Variants in LRRC3C observed in about 807,000 individuals in gnomAD.
LRRC3C encodes leucine-rich repeat-containing protein 3C.
LRRC3C carries 11 observed loss-of-function variants against 14.8 expected under a neutral mutation model. The observed-to-expected ratio is 0.74, with a 90% CI of 0.47 to 1.23. LRRC3C has a LOEUF of 1.23. Ranked by LOEUF, LRRC3C falls within the 50% of genes most tolerant of loss-of-function variation. The probability of loss-of-function intolerance (pLI) is 0.00; values close to 1 mark genes in which losing one functional copy is unlikely to be tolerated. For missense variants in LRRC3C, 354 were observed against 361.8 expected (o/e 0.98, Z 0.18); for synonymous variants, 149 against 161.5 (o/e 0.92, Z 0.59).
chr17:39,931,144 A>G (rs1978639924), intron 1 of LRRC3C, among the ~76,000 whole-genome samples: 1 of 146,740 alleles, frequency 6.8e-6, no homozygotes, highest in Non-Finnish European at 1.5e-5. Context: ...CTTCATCTCA[A>G]AAAAAAAAAA....
intron 2 of LRRC3C, among the ~76,000 whole-genome samples, chr17:39,937,187 G>A (rs747831809): frequency 1.3e-5 from 2 of 151,984 alleles, no homozygotes; most frequent in Admixed American, 6.6e-5. Context: ...TGTAATCCCA[G>A]CACCTTGGGA....
chr17:39,932,322 A>G (rs1978670747), intron 1 of LRRC3C, among the ~76,000 whole-genome samples: 1 of 152,228 alleles, frequency 6.6e-6, no homozygotes, highest in South Asian at 2.1e-4. Flanking sequence ...TTAAGTGCTC[A>G]GTATGTGTTG....
chr17:39,941,645 A>G, intron 3 of LRRC3C, 96 bp downstream of exon 3: 1 of 1,098,802 alleles, frequency 9.1e-7, no homozygotes, highest in East Asian at 2.6e-5. Flanking sequence ...TCCGTACAAT[A>G]CAATACCGTG....
Position 39,944,387 on chromosome 17 carries a change from C to T in LRRC3C, c.481C>T (p.Pro161Ser), listed in dbSNP as rs1292009870. ...GATCCAAGTGAACCTATCCGCAAACCCATGGCACTGTGACTGCGCCCTCCA... is the reference window on the plus strand; with the variant it reads ...GATCCAAGTGAACCTATCCGCAAACTCATGGCACTGTGACTGCGCCCTCCA... ...LQIQVNLSANPWHCDCALQEV... is the reference protein window; with the variant it reads ...LQIQVNLSANSWHCDCALQEV... The change falls in exon 4 of 4, where the codon CCA becomes TCA. Residue 161 changes from proline to serine, a missense_variant. By Grantham distance (74) the Pro-to-Ser change is moderately conservative. Coordinates refer to ENST00000377924, the MANE Select transcript of LRRC3C (RefSeq NM_001195545.2). 75 of 1,520,992 alleles carry T rather than the reference C, an allele frequency of 4.9e-5. No individual in the cohort carries two copies. Among genetic ancestry groups the T allele is most frequent in the Non-Finnish European group, 6.6e-5 (75 of 1,139,708 alleles). 94.2% of individuals were successfully genotyped at this position (1,520,992 alleles called of 1,614,324 possible).
In LRRC3C at chr17:39,927,802, T is replaced by C. The variant is rs1447861328; in HGVS notation, c.-187T>C. 3 of 985,376 alleles carry C rather than the reference T, an allele frequency of 3.0e-6. No homozygotes were observed. Among genetic ancestry groups the C allele is most frequent in the Non-Finnish European group, 3.6e-6 (3 of 829,972 alleles). 61.0% of individuals were successfully genotyped at this position (985,376 alleles called of 1,614,324 possible). A position where few individuals can be genotyped will look rare whatever the true frequency, so the allele number is the denominator to read the frequency against. On this transcript the variant is annotated 5_prime_UTR_variant, in exon 1 of 4. It removes an upstream start codon present in the reference 5' UTR. Transcript: ENST00000377924. ...ACCGTGACGTGATGGTCAGATCGGA[T>C]GATAGAATTTTGGTGCGTAACAATT... is the stretch of plus-strand genomic sequence containing the variant.
At chr17:39,934,498 T>C (rs1300222048) in intron 1 of LRRC3C, 1 of 152,134 alleles carries the variant, frequency 6.6e-6, no homozygotes, top group Non-Finnish European at 1.5e-5. Flanking sequence ...GCAAACATTA[T>C]TGTTTGCTAT....
chr17:39,944,170 C>T lies in LRRC3C; in HGVS notation c.264C>T (p.Ala88=), dbSNP rs780597699. 5.2e-6 allele frequency: 8 copies of T among 1,536,232 alleles called. No individual in the cohort carries two copies. In the South Asian group the frequency reaches 9.5e-5, roughly 18 times the overall value. ...ACACCCGCAAGCTCTACCTGGATGC[C>T]AACCAGCTGGCATCGGTGCCTGCTG... ...PNDTRKLYLD[A]NQLASVPAGA... is the part of the protein sequence containing the mutation. Residue 88 remains alanine, a synonymous_variant, in exon 4 of 4, where the codon GCC becomes GCT. Transcript: ENST00000377924.
intron 1 of LRRC3C, among the ~76,000 whole-genome samples, chr17:39,933,603 G>A (rs547751838): frequency 1.5e-3 from 227 of 152,080 alleles, no homozygotes; most frequent in Non-Finnish European, 2.5e-3. Flanking sequence ...CGTGGTGGCG[G>A]GCGCCTGTAA....
chr17:39,940,080 C>T (rs550584337), intron 2 of LRRC3C, among the ~76,000 whole-genome samples: 6 of 152,306 alleles, frequency 3.9e-5, no homozygotes, highest in East Asian at 3.9e-4. Flanking sequence ...GCAGAGTGTC[C>T]GGCCCTCAGA....
At chr17:39,936,735 G>A (rs1978808070) in intron 2 of LRRC3C, among the ~76,000 whole-genome samples, 2 of 151,686 alleles carry the variant, frequency 1.3e-5, no homozygotes, top group Admixed American at 6.6e-5. Context: ...AGGATCTCCT[G>A]AGCCTGGGGA....
At chr17:39,938,012 A>G (rs1313738801) in intron 2 of LRRC3C, among the ~76,000 whole-genome samples, 1 of 152,124 alleles carries the variant, frequency 6.6e-6, no homozygotes, top group Non-Finnish European at 1.5e-5. Flanking sequence ...TGTGCCTGTA[A>G]TCCCAGCTTC....
At chr17:39,931,578 G>A (rs1351175309) in intron 1 of LRRC3C, among the ~76,000 whole-genome samples, 3 of 151,286 alleles carry the variant, frequency 2.0e-5, no homozygotes, top group Non-Finnish European at 4.4e-5. Context: ...ATAATAAGAT[G>A]AGCCATGAGG....
intron 1 of LRRC3C, chr17:39,929,264 G>A (rs924791598): frequency 1.3e-5 from 2 of 152,178 alleles, no homozygotes; most frequent in African/African-American, 4.8e-5. Context: ...ATGAAGTTCA[G>A]TGACCCAGAC....
Position 39,944,894 on chromosome 17 carries a change from T to C in LRRC3C, c.*160T>C. On this transcript the variant is annotated 3_prime_UTR_variant, in exon 4 of 4. Coordinates refer to ENST00000377924, the MANE Select transcript of LRRC3C (RefSeq NM_001195545.2). ...CCTAAATACCTGTGCTGGTTCTCTCTCTCTCTCTCTGTGTCGTCTTAACCA... is the reference window on the plus strand; with the variant it reads ...CCTAAATACCTGTGCTGGTTCTCTCCCTCTCTCTCTGTGTCGTCTTAACCA... 1.5e-6 allele frequency: 1 copy of C among 665,928 alleles called. No homozygotes were observed. 41.3% of individuals were successfully genotyped at this position (665,928 alleles called of 1,614,324 possible). A position where few individuals can be genotyped will look rare whatever the true frequency, so the allele number is the denominator to read the frequency against.
intron 2 of LRRC3C, among the ~76,000 whole-genome samples, chr17:39,938,782 T>G (rs1978865785): frequency 6.6e-6 from 1 of 151,980 alleles, no homozygotes; most frequent in Non-Finnish European, 1.5e-5. Context: ...GGTCAGGCGT[T>G]CAAGACCAGC....
intron 3 of LRRC3C, 45 bp from the exon 4 acceptor site, chr17:39,943,888 A>G: frequency 6.6e-7 from 1 of 1,526,594 alleles, no homozygotes; most frequent in South Asian, 1.2e-5. Flanking sequence ...GGGGCATGCG[A>G]TTCTCTTGAC....
chr17:39,941,980 G>T (rs1028630237), intron 3 of LRRC3C, among the ~76,000 whole-genome samples: 7 of 152,128 alleles, frequency 4.6e-5, no homozygotes, highest in African/African-American at 1.7e-4. Flanking sequence ...TGGACTTGAG[G>T]GTCAAGGGAG....
intron 1 of LRRC3C, among the ~76,000 whole-genome samples, chr17:39,934,097 G>A (rs781628567): frequency 3.3e-5 from 5 of 152,138 alleles, no homozygotes; most frequent in African/African-American, 9.7e-5. Context: ...TGCCTCCCTC[G>A]CCCAGTCCTG....
At chr17:39,928,097 T>C (rs3744246) in intron 1 of LRRC3C, among the ~76,000 whole-genome samples, 115,151 of 152,206 alleles carry the variant, frequency 0.76, 43,735 homozygotes, top group Middle Eastern at 0.82. Flanking sequence ...CAACATTGGC[T>C]GGGATGAGGG....
Sources: allele counts gnomAD v4.1 joint callset (sites outside exome capture counted in the v4.1 genomes callset), GRCh38; gene constraint gnomAD v4.1.1; transcripts MANE v1.5; gene names NCBI Gene and HGNC (gene_info 2026-07-23, HGNC 2026-07-21).